The following SH3GL2 variants were observed in gnomAD, a reference collection of about 807,000 sequenced individuals.
The protein encoded by SH3GL2 is SH3 domain containing GRB2 like 2, endophilin A1.
A neutral mutation model predicts 46.0 loss-of-function variants in SH3GL2; 24 were observed. That is an observed-to-expected ratio of 0.52 (90% CI 0.38 to 0.73). SH3GL2 has a LOEUF of 0.73. Ranked by LOEUF, SH3GL2 falls within the 30% of genes least tolerant of loss-of-function variation. The pLI is 0.00. For synonymous variants in SH3GL2, 196 were observed against 147.1 expected (o/e 1.33, Z -2.40); for missense variants, 413 against 424.2 (o/e 0.97, Z 0.23).
At chr9:17,783,548 G>C (rs532761526) in intron 3 of SH3GL2, among the ~76,000 whole-genome samples, 27 of 152,112 alleles carry the variant, frequency 1.8e-4, no homozygotes, top group African/African-American at 6.5e-4. Context: ...GCTCGTCAGG[G>C]ATGCTACAGA....
intron 3 of SH3GL2, among the ~76,000 whole-genome samples, chr9:17,783,366 C>T (rs1823866997): frequency 6.6e-6 from 1 of 151,442 alleles, no homozygotes; most frequent in Non-Finnish European, 1.5e-5. Flanking sequence ...GAGTTTACAG[C>T]ATCCTCAGCT....
At chr9:17,717,867 G>C (rs903474375) in intron 1 of SH3GL2, among the ~76,000 whole-genome samples, 38 of 152,008 alleles carry the variant, frequency 2.5e-4, no homozygotes, top group African/African-American at 8.7e-4. Flanking sequence ...TTTTTTTCTG[G>C]AGTCTGTTAT....
Position 17,797,081 on chromosome 9 carries a change from A to G in SH3GL2, c.*1338A>G, listed in dbSNP as rs1169546486. Reference sequence around the variant, plus strand: ...ACTGCTTAATGTATAAACTCTCACCACAGGAAGCATCGCTGTTTCCAATAA... The same window carrying G: ...ACTGCTTAATGTATAAACTCTCACCGCAGGAAGCATCGCTGTTTCCAATAA... On this transcript the variant is annotated 3_prime_UTR_variant, in exon 9 of 9. Coordinates refer to ENST00000380607, the MANE Select transcript of SH3GL2 (RefSeq NM_003026.5). 6.6e-6 allele frequency: 1 copy of G among 152,656 alleles called. No homozygotes were observed. Among genetic ancestry groups the G allele is most frequent in the Non-Finnish European group, 1.5e-5 (1 of 68,034 alleles). 9.5% of individuals were successfully genotyped at this position (152,656 alleles called of 1,614,324 possible).
In SH3GL2 at chr9:17,796,467, T is replaced by C. The variant is rs980462006; in HGVS notation, c.*724T>C. The C allele has an allele frequency of 9.9e-5, 15 of 152,212 alleles. No individual in the cohort carries two copies. Among genetic ancestry groups the C allele is most frequent in the African/African-American group, 3.1e-4 (13 of 41,450 alleles). The allele number at this position is 152,212 out of a possible 1,614,324, so 9.4% of individuals were successfully genotyped here. On this transcript the variant is annotated 3_prime_UTR_variant, in exon 9 of 9. Transcript: ENST00000380607. Reference sequence around the variant, plus strand: ...AAAAGAAATTCTCCATTATGAGGAATTGGGAAGAAATCTGGTATCCAAGCT... The same window carrying C: ...AAAAGAAATTCTCCATTATGAGGAACTGGGAAGAAATCTGGTATCCAAGCT...
chr9:17,676,564 C>G (rs910996853), intron 1 of SH3GL2, among the ~76,000 whole-genome samples: 7 of 152,180 alleles, frequency 4.6e-5, no homozygotes, highest in African/African-American at 1.7e-4. Flanking sequence ...TGAGATTGCA[C>G]CACTGCACTC....
chr9:17,794,268 T>C (rs536893455), intron 8 of SH3GL2, among the ~76,000 whole-genome samples: 2 of 152,364 alleles, frequency 1.3e-5, no homozygotes, highest in Admixed American at 6.5e-5. Flanking sequence ...AACTGTCTTA[T>C]ACTGGATGTG....
At chr9:17,670,490 T>C (rs894555272) in intron 1 of SH3GL2, among the ~76,000 whole-genome samples, 1 of 152,232 alleles carries the variant, frequency 6.6e-6, no homozygotes, top group African/African-American at 2.4e-5. Flanking sequence ...TTTTAATATC[T>C]GGTAGGGCCA....
chr9:17,691,136 A>G (rs776956512), intron 1 of SH3GL2, among the ~76,000 whole-genome samples: 2 of 152,158 alleles, frequency 1.3e-5, no homozygotes, highest in Non-Finnish European at 2.9e-5. Context: ...GCCACAGGCT[A>G]GATTTTCTGC....
chr9:17,631,244 T>G (rs1416656636), intron 1 of SH3GL2, among the ~76,000 whole-genome samples: 2 of 152,182 alleles, frequency 1.3e-5, no homozygotes, highest in Non-Finnish European at 2.9e-5. Flanking sequence ...TTGTTCTATG[T>G]TTTCTCTCAT....
At chr9:17,766,769 T>G (rs1823330973) in intron 3 of SH3GL2, among the ~76,000 whole-genome samples, 2 of 152,202 alleles carry the variant, frequency 1.3e-5, no homozygotes, top group South Asian at 4.1e-4. Flanking sequence ...AGCAGCCCGC[T>G]GTGGCCAGTG....
chr9:17,737,420 G>A (rs188962403), intron 1 of SH3GL2, among the ~76,000 whole-genome samples: 2 of 152,022 alleles, frequency 1.3e-5, no homozygotes, highest in Admixed American at 1.3e-4. Context: ...ATATGAGGAT[G>A]TAGTTCCTAT....
At chr9:17,753,404 G>T (rs1281827317) in intron 2 of SH3GL2, among the ~76,000 whole-genome samples, 1 of 152,034 alleles carries the variant, frequency 6.6e-6, no homozygotes, top group Non-Finnish European at 1.5e-5. Context: ...TTGTGGTTTT[G>T]ATTTGTGTTT....
Position 17,762,506 on chromosome 9 carries a change from T to G in SH3GL2, c.187+997T>G, listed in dbSNP as rs748389942. On this transcript the variant is annotated intron_variant, in intron 3 of 8. Coordinates refer to ENST00000380607, the MANE Select transcript of SH3GL2 (RefSeq NM_003026.5). ...CCCCCTGCTGCTGGCTGCAGCTTCC[T>G]TCCATCCTTATTCACCTATGACCAG... Among the ~76,000 whole-genome samples, 44 of 152,224 alleles carry G rather than the reference T, an allele frequency of 2.9e-4. 1 individual carries two copies. The highest frequency in any genetic ancestry group is 2.1e-3 in the South Asian group (10 of 4,810).
At chr9:17,666,378 C>G (rs558030734) in intron 1 of SH3GL2, among the ~76,000 whole-genome samples, 7 of 152,152 alleles carry the variant, frequency 4.6e-5, no homozygotes, top group African/African-American at 1.7e-4. Context: ...CATTATGACT[C>G]TAATTCTTTC....
At chr9:17,686,726 G>A (rs1309354225) in intron 1 of SH3GL2, among the ~76,000 whole-genome samples, 2 of 145,838 alleles carry the variant, frequency 1.4e-5, no homozygotes, top group Non-Finnish European at 3.0e-5. Flanking sequence ...ACTCATAGGT[G>A]GGAATTGAAC....
chr9:17,626,906 A>C (rs765530102), intron 1 of SH3GL2, among the ~76,000 whole-genome samples: 1 of 151,882 alleles, frequency 6.6e-6, no homozygotes, highest in Admixed American at 6.6e-5. Context: ...CTAACTACCA[A>C]ATTTGGGGGC....
chr9:17,650,293 A>G (rs1227212151), intron 1 of SH3GL2, among the ~76,000 whole-genome samples: 1 of 152,244 alleles, frequency 6.6e-6, no homozygotes, highest in Non-Finnish European at 1.5e-5. Flanking sequence ...AACGTGATAT[A>G]TCCTCTTTCT....
intron 3 of SH3GL2, among the ~76,000 whole-genome samples, chr9:17,782,973 A>G (rs1049838859): frequency 1.3e-5 from 2 of 152,064 alleles, no homozygotes. Context: ...GGAAACACGC[A>G]AGGAAGGGAC....
intron 1 of SH3GL2, among the ~76,000 whole-genome samples, chr9:17,602,107 T>A (rs567665332): frequency 4.6e-4 from 70 of 152,338 alleles, no homozygotes; most frequent in African/African-American, 1.6e-3. Context: ...TTGGGTTCTA[T>A]GACTTAAAAG....
Sources: allele counts gnomAD v4.1 joint callset (sites outside exome capture counted in the v4.1 genomes callset), GRCh38; gene constraint gnomAD v4.1.1; transcripts MANE v1.5; gene names NCBI Gene and HGNC (gene_info 2026-07-23, HGNC 2026-07-21).